Variants in C12orf56 observed in about 807,000 individuals in gnomAD.
The protein encoded by C12orf56 is chromosome 12 open reading frame 56, also known as uncharacterized protein C12orf56.
Under a neutral mutation model 69.9 loss-of-function variants are expected in C12orf56, and 71 were observed. That is an observed-to-expected ratio of 1.02 (90% CI 0.84 to 1.24). C12orf56 has a LOEUF of 1.24. Among genes scored for constraint, C12orf56 ranks in the 50% most tolerant of loss-of-function variants. C12orf56 has a pLI of 0.00. For missense variants in C12orf56, 732 were observed against 738.5 expected (o/e 0.99, Z 0.10); for synonymous variants, 276 against 274.1 (o/e 1.01, Z -0.07).
chr12:64,312,951 C>G (rs1295346216), intron 4 of C12orf56, among the ~76,000 whole-genome samples, 199 bp from the exon 5 acceptor site: 1 of 151,952 alleles, frequency 6.6e-6, no homozygotes, highest in Non-Finnish European at 1.5e-5. Context: ...AAATATAACA[C>G]TTGCTCATTA....
intron 2 of C12orf56, among the ~76,000 whole-genome samples, chr12:64,345,618 C>G (rs767501597): frequency 2.0e-5 from 3 of 152,112 alleles, no homozygotes; most frequent in Non-Finnish European, 4.4e-5. Context: ...GTCTGTTTTT[C>G]CACAATTGTA....
At chr12:64,338,081 G>A in intron 2 of C12orf56, 1 of 422,820 alleles carries the variant, frequency 2.4e-6, no homozygotes, top group Non-Finnish European at 4.5e-6. Flanking sequence ...GCAGTAAAGA[G>A]GAAGCTACAG....
chr12:64,330,849 T>C, intron 3 of C12orf56, 111 bp downstream of exon 3: 1 of 816,140 alleles, frequency 1.2e-6, no homozygotes, highest in South Asian at 1.8e-5. Flanking sequence ...GTAAGATTAA[T>C]AGAACTCAGT....
At chr12:64,388,508 G>C (rs1320044724) in intron 1 of C12orf56, among the ~76,000 whole-genome samples, 1 of 152,144 alleles carries the variant, frequency 6.6e-6, no homozygotes, top group Non-Finnish European at 1.5e-5. Context: ...CTCCCAAAAT[G>C]CTGGGATTAC....
chr12:64,349,629 G>T lies in C12orf56; in HGVS notation c.415+3265C>A, dbSNP rs564101143. ...CCAACCCAAATGCCCATCAATCAAT[G>T]AGTGGATAAAGAAACTGTGGAATAC... On this transcript the variant is annotated intron_variant, in intron 2 of 12. Coordinates refer to ENST00000543942, the MANE Select transcript of C12orf56 (RefSeq NM_001170633.2). 3.9e-5 allele frequency among the ~76,000 whole-genome samples: 6 copies of T among 152,324 alleles called. No individual in the cohort carries two copies. In the South Asian group the frequency reaches 1.2e-3, roughly 32 times the overall value.
At chr12:64,268,348 C>G (rs1480489959) in intron 12 of C12orf56, among the ~76,000 whole-genome samples, 1 of 152,088 alleles carries the variant, frequency 6.6e-6, no homozygotes. Context: ...TGCCAGTTGT[C>G]CTGATTTTCA....
intron 2 of C12orf56, among the ~76,000 whole-genome samples, chr12:64,349,779 A>G (rs1339875645): frequency 6.6e-6 from 1 of 152,192 alleles, no homozygotes; most frequent in Non-Finnish European, 1.5e-5. Flanking sequence ...TAGCTAACCT[A>G]TGAGGATACA....
chr12:64,376,274 A>G (rs2039638621), intron 1 of C12orf56, among the ~76,000 whole-genome samples: 2 of 152,162 alleles, frequency 1.3e-5, no homozygotes, highest in African/African-American at 4.8e-5. Context: ...TTGGCAGGGA[A>G]AATGCTTCCA....
intron 1 of C12orf56, among the ~76,000 whole-genome samples, chr12:64,371,296 A>G (rs2039567429): frequency 6.6e-6 from 1 of 152,002 alleles, no homozygotes; most frequent in Admixed American, 6.6e-5. Context: ...AATCCTAGCT[A>G]CTGAGGTGTG....
chr12:64,330,239 C>T (rs909265393), intron 3 of C12orf56, among the ~76,000 whole-genome samples: 1 of 152,200 alleles, frequency 6.6e-6, no homozygotes, highest in African/African-American at 2.4e-5. Flanking sequence ...ATAGTTTTTT[C>T]ATATCCTGTG....
chr12:64,360,145 G>A (rs945587922), intron 1 of C12orf56, among the ~76,000 whole-genome samples: 9 of 152,060 alleles, frequency 5.9e-5, no homozygotes, highest in Admixed American at 2.0e-4. Flanking sequence ...TCAAAAACTG[G>A]CTGGGTGCGG....
At chr12:64,337,636 C>T (rs779214572) in intron 2 of C12orf56, among the ~76,000 whole-genome samples, 8 of 152,144 alleles carry the variant, frequency 5.3e-5, no homozygotes, top group Non-Finnish European at 1.2e-4. Context: ...GCAGGTGGAT[C>T]ATTTGAGGCC....
rs1243470275 is a variant in C12orf56, at chr12:64,390,531, C to T, written c.35G>A (p.Arg12His). The change falls in exon 1 of 13, where the codon CGC becomes CAC. Residue 12 changes from arginine to histidine, a missense_variant. Transcript: ENST00000543942. ...GAACACATCCAGGCGGCTGTTCCTG[C>T]GCGCGGGGAAGCCGGACGGCAAGGG... is the stretch of plus-strand genomic sequence containing the variant. ...ASPLPSGFPA[R>H]RNSRLDVFLR... is the part of the protein sequence containing the mutation. 19 of 1,595,994 alleles carry T rather than the reference C, an allele frequency of 1.2e-5. No individual in the cohort carries two copies. Among genetic ancestry groups the T allele is most frequent in the Non-Finnish European group, 1.6e-5 (19 of 1,177,846 alleles).
At chr12:64,327,382 T>C (rs1005255946) in intron 3 of C12orf56, among the ~76,000 whole-genome samples, 3 of 152,188 alleles carry the variant, frequency 2.0e-5, no homozygotes, top group African/African-American at 7.2e-5. Flanking sequence ...GATAGTTCCA[T>C]GAAAATGCAT....
At chr12:64,283,601 A>C (rs1056069049) in intron 8 of C12orf56, among the ~76,000 whole-genome samples, 2 of 151,408 alleles carry the variant, frequency 1.3e-5, no homozygotes, top group Non-Finnish European at 2.9e-5. Context: ...GAAGTGTTAC[A>C]TGCCTTGCTT....
intron 3 of C12orf56, among the ~76,000 whole-genome samples, chr12:64,330,161 A>G (rs1298833801): frequency 2.0e-5 from 3 of 152,018 alleles, no homozygotes; most frequent in African/African-American, 7.2e-5. Flanking sequence ...AAGTGTTCCT[A>G]TTTCTCCACA....
intron 1 of C12orf56, among the ~76,000 whole-genome samples, chr12:64,382,083 G>GA (rs1365727529): frequency 1.3e-5 from 2 of 151,918 alleles, no homozygotes; most frequent in East Asian, 3.9e-4. Context: ...CCAACATGGT[G>GA]AAACCCCATC....
rs1486142684 is a variant in C12orf56, at chr12:64,389,662, A to G, written c.252+652T>C. On this transcript the variant is annotated intron_variant, in intron 1 of 12. Coordinates refer to ENST00000543942, the MANE Select transcript of C12orf56 (RefSeq NM_001170633.2). ...CAGGTGCACACGACCACGCCTGGGT[A>G]ATTTTTGTACTTTTGGTGGAGACGG... Among the ~76,000 whole-genome samples, 6 of 151,938 alleles carry G rather than the reference A, an allele frequency of 3.9e-5. No individual in the cohort carries two copies. The East Asian group carries it at 1.2e-3, about 29-fold the overall frequency.
intron 1 of C12orf56, among the ~76,000 whole-genome samples, chr12:64,365,908 T>A (rs1484933781): frequency 7.5e-6 from 1 of 134,062 alleles, no homozygotes; most frequent in African/African-American, 2.9e-5. Flanking sequence ...ATACATTATG[T>A]ATAGTGTATA....
Sources: allele counts gnomAD v4.1 joint callset (sites outside exome capture counted in the v4.1 genomes callset), GRCh38; gene constraint gnomAD v4.1.1; transcripts MANE v1.5; gene names NCBI Gene and HGNC (gene_info 2026-07-23, HGNC 2026-07-21).